Variants in RNF150 observed in about 807,000 individuals in gnomAD.
RNF150 encodes the protein ring finger protein 150.
A neutral mutation model predicts 39.3 loss-of-function variants in RNF150; 24 were observed. The observed-to-expected ratio is 0.61, with a 90% confidence interval of 0.44 to 0.86. RNF150 has a LOEUF of 0.86. Among genes scored for constraint, RNF150 ranks in the 40% least tolerant of loss-of-function variants. The pLI is 0.00. For missense variants in RNF150, 502 were observed against 587.8 expected, an observed-to-expected ratio of 0.85 and a Z score of 1.51; for synonymous variants, 255 against 227.3, an observed-to-expected ratio of 1.12 and a Z score of -1.10.
intron 6 of RNF150, among the ~76,000 whole-genome samples, chr4:140,897,312 G>A (rs369863037): frequency 3.9e-5 from 6 of 152,090 alleles, no homozygotes; most frequent in East Asian, 1.9e-4. Context: ...TGTTTTCCTC[G>A]GGCAGGCACT....
intron 1 of RNF150, among the ~76,000 whole-genome samples, chr4:141,057,603 C>G (rs1040102498): frequency 1.3e-5 from 2 of 152,082 alleles, no homozygotes; most frequent in African/African-American, 4.8e-5. Context: ...ACTTTGCATC[C>G]TCATAGCTTA....
chr4:140,886,428 G>A (rs146876905), intron 6 of RNF150, among the ~76,000 whole-genome samples: 119 of 152,152 alleles, frequency 7.8e-4, no homozygotes, highest in African/African-American at 2.8e-3. Flanking sequence ...GTGACATAAG[G>A]CAGGTCACCC....
intron 1 of RNF150, among the ~76,000 whole-genome samples, chr4:141,154,959 G>T (rs1727359368): frequency 6.6e-6 from 1 of 152,144 alleles, no homozygotes; most frequent in South Asian, 2.1e-4. Context: ...TAAAATAAAT[G>T]CTTGGTGATG....
At chr4:140,880,250 T>A (rs75805401) in intron 6 of RNF150, among the ~76,000 whole-genome samples, 1 of 152,218 alleles carries the variant, frequency 6.6e-6, no homozygotes, top group Non-Finnish European at 1.5e-5. Context: ...TCAGTTGAGA[T>A]AATCATGTGA....
At chr4:141,163,603 A>G (rs1727550913) in intron 1 of RNF150, among the ~76,000 whole-genome samples, 1 of 152,194 alleles carries the variant, frequency 6.6e-6, no homozygotes, top group South Asian at 2.1e-4. Flanking sequence ...CTTCCAGAGG[A>G]AGGAGCAGGC....
chr4:141,019,427 T>C (rs950879647), intron 1 of RNF150, among the ~76,000 whole-genome samples: 9 of 152,252 alleles, frequency 5.9e-5, no homozygotes, highest in African/African-American at 1.7e-4. Context: ...AGTCTTTGAC[T>C]AAAAGACTAT....
chr4:140,916,475 C>T (rs1181693340), intron 5 of RNF150, among the ~76,000 whole-genome samples: 1 of 152,054 alleles, frequency 6.6e-6, no homozygotes, highest in Non-Finnish European at 1.5e-5. Context: ...TGAAATGAAG[C>T]ATGAAGAGAA....
At chr4:141,111,185 T>C (rs984359853) in intron 1 of RNF150, among the ~76,000 whole-genome samples, 1 of 152,230 alleles carries the variant, frequency 6.6e-6, no homozygotes, top group African/African-American at 2.4e-5. Flanking sequence ...CTGTATATCT[T>C]TCACATAGAA....
At chr4:141,159,258 C>A (rs1448980716) in intron 1 of RNF150, among the ~76,000 whole-genome samples, 1 of 152,118 alleles carries the variant, frequency 6.6e-6, no homozygotes, top group Non-Finnish European at 1.5e-5. Flanking sequence ...GCCATTGTAG[C>A]TTGAAAGTGG....
At chr4:140,940,559 CT>C (rs1420470631) in intron 4 of RNF150, among the ~76,000 whole-genome samples, 2 of 152,166 alleles carry the variant, frequency 1.3e-5, no homozygotes, top group African/African-American at 4.8e-5. Flanking sequence ...ATCAGCAAGA[CT>C]TGTTTTCTGA....
intron 1 of RNF150, among the ~76,000 whole-genome samples, chr4:141,127,981 C>T (rs1014261119): frequency 5.3e-5 from 8 of 152,152 alleles, no homozygotes; most frequent in African/African-American, 1.9e-4. Flanking sequence ...AGTACAAACT[C>T]AATAGGAGAA....
chr4:141,087,830 A>AC (rs1738425787), intron 1 of RNF150, among the ~76,000 whole-genome samples: 1 of 151,870 alleles, frequency 6.6e-6, no homozygotes, highest in Non-Finnish European at 1.5e-5. Flanking sequence ...TGTTTCATGG[A>AC]CTTTTTTTTT....
rs1193611515 is a variant in RNF150 at position 140,913,342 on chromosome 4, T to C, written c.988-1988A>G. 3.9e-5 allele frequency among the ~76,000 whole-genome samples: 6 copies of C among 152,328 alleles called. No homozygotes were observed. In the East Asian group the frequency reaches 9.6e-4, roughly 24 times the overall value. On this transcript the variant is annotated intron_variant, in intron 5 of 6. Transcript: ENST00000515673. ...GGAAGGAATTACATGCTCCCTGGCATGACAGAGGCAGATGCTCAAGAGCCT... is the reference window on the plus strand; with the variant it reads ...GGAAGGAATTACATGCTCCCTGGCACGACAGAGGCAGATGCTCAAGAGCCT...
chr4:141,124,730 A>G (rs912040884), intron 1 of RNF150, among the ~76,000 whole-genome samples: 1 of 152,220 alleles, frequency 6.6e-6, no homozygotes, highest in Non-Finnish European at 1.5e-5. Flanking sequence ...TGCCCATAAA[A>G]AGCCATTTAT....
chr4:140,954,169 C>A (rs1278490511), intron 2 of RNF150, among the ~76,000 whole-genome samples: 2 of 152,068 alleles, frequency 1.3e-5, no homozygotes. Context: ...CTAGGGTGCT[C>A]CTATGGATTA....
chr4:141,150,087 T>C (rs1258460191), intron 1 of RNF150, among the ~76,000 whole-genome samples: 1 of 152,162 alleles, frequency 6.6e-6, no homozygotes, highest in Non-Finnish European at 1.5e-5. Flanking sequence ...AATAAAATCA[T>C]AGCATCATTT....
chr4:141,126,512 T>G (rs1490555206), intron 1 of RNF150, among the ~76,000 whole-genome samples: 1 of 152,200 alleles, frequency 6.6e-6, no homozygotes, highest in Non-Finnish European at 1.5e-5. Context: ...TTTGGCTACA[T>G]AAAGATGGAG....
rs541299025 is a variant in RNF150, at chr4:140,902,758, G to T, written c.1198+8386C>A. On this transcript the variant is annotated intron_variant, in intron 6 of 6. Coordinates refer to ENST00000515673, the MANE Select transcript of RNF150 (RefSeq NM_020724.2). ...ACCATGATATTTGGAGACAGGGTCC[G>T]CTGCGTATAGGAATCCCAGAAGGAG... Among the ~76,000 whole-genome samples the T allele has an allele frequency of 1.2e-4, 18 of 152,308 alleles. No individual in the cohort carries two copies. In the South Asian group the frequency reaches 2.7e-3, roughly 23 times the overall value.
chr4:141,017,413 T>A (rs1578635871), intron 1 of RNF150, among the ~76,000 whole-genome samples: 2 of 152,142 alleles, frequency 1.3e-5, no homozygotes, highest in Admixed American at 1.3e-4. Flanking sequence ...TTACACACTC[T>A]TCCTACTTTC....
Sources: allele counts gnomAD v4.1 joint callset (sites outside exome capture counted in the v4.1 genomes callset), GRCh38; gene constraint gnomAD v4.1.1; transcripts MANE v1.5; gene names NCBI Gene and HGNC (gene_info 2026-07-23, HGNC 2026-07-21).